Variants in PLEKHS1 observed in about 807,000 individuals in gnomAD.
The protein encoded by PLEKHS1 is pleckstrin homology domain-containing family S member 1.
Under a neutral mutation model 51.0 loss-of-function variants are expected in PLEKHS1, and 55 were observed. The observed-to-expected ratio is 1.08, with a 90% CI of 0.87 to 1.35. The LOEUF (loss-of-function observed/expected upper bound fraction) is 1.35. PLEKHS1 is among the 40% of genes most tolerant of loss of function. PLEKHS1 has a pLI of 0.00. For missense variants in PLEKHS1, 398 were observed against 423.0 expected (o/e 0.94, Z 0.52); for synonymous variants, 153 against 144.8 (o/e 1.06, Z -0.41).
chr10:113,767,351 C>A, exon 5 of PLEKHS1: 1 of 1,597,724 alleles, frequency 6.3e-7, no homozygotes, highest in Non-Finnish European at 8.5e-7. Flanking sequence ...ATAGAAATTC[C>A]AGTGTAGAAG....
chr10:113,760,375 C>T (rs1186420973), intron 2 of PLEKHS1, among the ~76,000 whole-genome samples: 1 of 151,972 alleles, frequency 6.6e-6, no homozygotes, highest in Non-Finnish European at 1.5e-5. Flanking sequence ...TAGAATGGGC[C>T]AGGTGTGGTG....
chr10:113,780,171 C>G (rs1844823029), intron 11 of PLEKHS1, among the ~76,000 whole-genome samples: 1 of 151,944 alleles, frequency 6.6e-6, no homozygotes, highest in African/African-American at 2.4e-5. Context: ...CTGAGATTTT[C>G]AAGGGAAGGG....
chr10:113,754,434 C>T (rs369293726), intron 1 of PLEKHS1, among the ~76,000 whole-genome samples: 6 of 152,272 alleles, frequency 3.9e-5, no homozygotes, highest in African/African-American at 7.2e-5. Flanking sequence ...GTCATAGGAT[C>T]GCCAGCAGCT....
exon 8 of PLEKHS1, chr10:113,772,064 T>C: frequency 6.2e-7 from 1 of 1,613,248 alleles, no homozygotes; most frequent in Non-Finnish European, 8.5e-7. Context: ...AATCATTATC[T>C]TACTCCTCGA....
intron 2 of PLEKHS1, among the ~76,000 whole-genome samples, chr10:113,761,473 A>C (rs1843928216): frequency 1.3e-5 from 2 of 152,068 alleles, no homozygotes; most frequent in Admixed American, 1.3e-4. Context: ...TCTAGTTTGC[A>C]GTGTACCAGT....
At chr10:113,771,701 C>G (rs1017961167) in intron 7 of PLEKHS1, among the ~76,000 whole-genome samples, 3 of 142,638 alleles carry the variant, frequency 2.1e-5, no homozygotes, top group Non-Finnish European at 3.1e-5. Flanking sequence ...AAAAAGAATA[C>G]CACCCACAGG....
chr10:113,777,091 A>T, intron 11 of PLEKHS1, 33 bp from the exon 12 acceptor site: 1 of 1,609,154 alleles, frequency 6.2e-7, no homozygotes, highest in Non-Finnish European at 8.5e-7. Context: ...GCTGAGCCTC[A>T]CACTGGTATT....
intron 4 of PLEKHS1, 76 bp downstream of exon 4, chr10:113,766,794 G>A: frequency 1.7e-6 from 2 of 1,155,348 alleles, no homozygotes; most frequent in East Asian, 4.9e-5. Flanking sequence ...CATGCAAATT[G>A]AAATTTACAT....
chr10:113,766,553 A>T, intron 3 of PLEKHS1, 54 bp downstream of exon 3: 1 of 1,587,502 alleles, frequency 6.3e-7, no homozygotes, highest in Non-Finnish European at 8.6e-7. Context: ...GAGCATTTTT[A>T]AAAATCATTT....
intron 2 of PLEKHS1, among the ~76,000 whole-genome samples, chr10:113,764,099 C>G (rs965067314): frequency 1.3e-5 from 2 of 151,818 alleles, no homozygotes; most frequent in African/African-American, 2.4e-5. Flanking sequence ...ATATAGTTTG[C>G]TTGTTTGTTT....
intron 2 of PLEKHS1, among the ~76,000 whole-genome samples, chr10:113,761,478 A>G (rs763455313): frequency 1.2e-4 from 18 of 152,030 alleles, no homozygotes; most frequent in Non-Finnish European, 2.4e-4. Flanking sequence ...TTTGCAGTGT[A>G]CCAGTCTTTT....
At chr10:113,781,353 C>T (rs1403548893) in exon 12 of PLEKHS1, 1 of 88,988 alleles carries the variant, frequency 1.1e-5, no homozygotes. Flanking sequence ...TTCCCAAACA[C>T]CTCCTTCCCA....
At chr10:113,777,125 G>A in intron 11 of PLEKHS1, 2 of 1,612,546 alleles carry the variant, frequency 1.2e-6, no homozygotes, top group African/African-American at 1.3e-5. Flanking sequence ...CCACTGCAGT[G>A]TGTCTCAGTG....
At chr10:113,775,689 A>G in intron 10 of PLEKHS1, 76 bp from the exon 11 acceptor site, 3 of 911,642 alleles carry the variant, frequency 3.3e-6, no homozygotes, top group Admixed American at 4.5e-5. Context: ...ATAGAGGCCA[A>G]AAGTCTACTC....
chr10:113,752,190 T>C (rs1853872359), intron 1 of PLEKHS1, among the ~76,000 whole-genome samples: 1 of 152,216 alleles, frequency 6.6e-6, no homozygotes, highest in Admixed American at 6.5e-5. Context: ...GTTCTGCTTC[T>C]TTTTAATTAC....
At chr10:113,769,532 C>T (rs981489728) in intron 6 of PLEKHS1, among the ~76,000 whole-genome samples, 6 of 152,110 alleles carry the variant, frequency 3.9e-5, no homozygotes, top group East Asian at 3.9e-4. Context: ...CAGAAAGAGA[C>T]ACAGTTGAGG....
chr10:113,753,485 A>G (rs1261901998), intron 1 of PLEKHS1, among the ~76,000 whole-genome samples: 1 of 152,238 alleles, frequency 6.6e-6, no homozygotes, highest in Non-Finnish European at 1.5e-5. Context: ...CATCTTTCCC[A>G]GGCATTATAG....
chr10:113,765,133 A>G (rs908659202), intron 2 of PLEKHS1: 6 of 404,402 alleles, frequency 1.5e-5, no homozygotes, highest in Admixed American at 8.1e-5. Context: ...ACTGCCAAAC[A>G]TCGCAAATTT....
chr10:113,759,447 C>T (rs190690707), intron 2 of PLEKHS1, among the ~76,000 whole-genome samples: 25 of 152,238 alleles, frequency 1.6e-4, no homozygotes, highest in Admixed American at 1.4e-3. Context: ...TTCTGCACAC[C>T]CAATCCCAGT....
Sources: gnomAD v4.1 joint callset for allele counts (sites outside exome capture counted in the v4.1 genomes callset) on GRCh38, gnomAD v4.1.1 for gene constraint, MANE v1.5 for transcripts, NCBI Gene and HGNC (gene_info 2026-07-23, HGNC 2026-07-21) for gene names.